The following ANKHD1 variants were observed in gnomAD, a reference collection of about 807,000 sequenced individuals.
ANKHD1 encodes ankyrin repeat and KH domain-containing protein 1.
In ANKHD1, 31 loss-of-function variants were observed where a neutral mutation model predicts 230.5. The ratio of observed to expected loss-of-function variants is 0.13; its 90% CI spans 0.10 to 0.18. ANKHD1 has a LOEUF of 0.18. Ranked by LOEUF, ANKHD1 falls within the 10% of genes least tolerant of loss-of-function variation. The pLI is 1.00. For missense variants in ANKHD1, 2,256 were observed against 3,071.3 expected (o/e 0.73, Z 6.27); for synonymous variants, 1,074 against 1,117.6 (o/e 0.96, Z 0.78).
intron 10 of ANKHD1, among the ~76,000 whole-genome samples, chr5:140,471,555 C>A (rs1776498545): frequency 6.6e-6 from 1 of 152,176 alleles, no homozygotes; most frequent in African/African-American, 2.4e-5. Flanking sequence ...TTAGGATAAG[C>A]ACATCACATA....
At position 140,528,801 on chromosome 5, in the gene ANKHD1, C is replaced by A; in HGVS notation, c.5855C>A (p.Thr1952Asn). 1.9e-6 allele frequency: 3 copies of A among 1,614,088 alleles called. No homozygotes were observed. Among genetic ancestry groups the A allele is most frequent in the Non-Finnish European group, 2.5e-6 (3 of 1,180,032 alleles). ...AGTCAGCAACTGTGTGTCACTAATACCCGGACTCCTTCATCAGTCAGAAAG... is the reference window on the plus strand; with the variant it reads ...AGTCAGCAACTGTGTGTCACTAATAACCGGACTCCTTCATCAGTCAGAAAG... ...AASQQLCVTN[T>N]RTPSSVRKQL... is the part of the protein sequence containing the mutation. Residue 1952 changes from threonine to asparagine, a missense_variant, in exon 29 of 34, where the codon ACC becomes AAC. By Grantham distance (65) the Thr-to-Asn change is moderately conservative (BLOSUM62 0). Coordinates refer to ENST00000360839, the MANE Select transcript of ANKHD1 (RefSeq NM_017747.3).
intron 10 of ANKHD1, among the ~76,000 whole-genome samples, chr5:140,477,142 A>G (rs558363376): frequency 1.3e-5 from 2 of 152,350 alleles, no homozygotes; most frequent in East Asian, 3.9e-4. Flanking sequence ...ATGTAAAGCA[A>G]TATTAATATC....
chr5:140,435,898 G>T (rs1265186651), intron 1 of ANKHD1, among the ~76,000 whole-genome samples: 1 of 152,138 alleles, frequency 6.6e-6, no homozygotes, highest in African/African-American at 2.4e-5. Context: ...GGAAACTTCA[G>T]TGTATGTGTG....
chr5:140,443,816 C>CT (rs1314075253), intron 5 of ANKHD1, among the ~76,000 whole-genome samples: 1 of 151,970 alleles, frequency 6.6e-6, no homozygotes, highest in African/African-American at 2.4e-5. Flanking sequence ...ATAACTCTAA[C>CT]TTTAAGCCAA....
rs920509489 is a variant in ANKHD1 at position 140,507,714 on chromosome 5, C to A, written c.3552-71C>A. The A allele has an allele frequency of 6.5e-7, 1 of 1,539,918 alleles. No individual in the cohort carries two copies. The highest frequency in any genetic ancestry group is 1.4e-5 in the African/African-American group (1 of 72,476). The stretch of plus-strand genomic sequence containing the variant: ...ACCTCTCTTTTTAGTGAAACCTTTT[C>A]ATCTTTAATGCTTTTCTAAAATAAT... On this transcript the variant is annotated intron_variant, in intron 19 of 33. Transcript: ENST00000360839. The surrounding 1 kb of genome is among the most constrained non-coding windows in gnomAD (Gnocchi z 4.1).
chr5:140,442,677 T>C (rs1773952886), intron 5 of ANKHD1, among the ~76,000 whole-genome samples: 1 of 152,298 alleles, frequency 6.6e-6, no homozygotes, highest in East Asian at 1.9e-4. Context: ...CTTAATTTTT[T>C]ATCTGATTAT....
chr5:140,535,369 A>G lies in ANKHD1; in HGVS notation c.6858A>G (p.Pro2286=). 3 of 1,596,836 alleles carry G rather than the reference A, an allele frequency of 1.9e-6. No individual in the cohort carries two copies. The highest frequency in any genetic ancestry group is 1.7e-6 in the Non-Finnish European group (2 of 1,174,290). Residue 2286 remains proline, a synonymous_variant, in exon 30 of 34, where the codon CCA becomes CCG. Coordinates refer to ENST00000360839, the MANE Select transcript of ANKHD1 (RefSeq NM_017747.3). ...GGACCTGTTTTATTTCAGGGTTACC[A>G]TCCATTGACCCATCAGGCAGCTCCC... is the stretch of plus-strand genomic sequence containing the variant. ...QRVSTSPVGL[P]SIDPSGSSPS... is the part of the protein sequence containing the mutation.
chr5:140,461,243 T>TAATA (rs990767840), intron 9 of ANKHD1, among the ~76,000 whole-genome samples: 3 of 152,214 alleles, frequency 2.0e-5, no homozygotes, highest in African/African-American at 7.2e-5. Context: ...GTAACCAAGC[T>TAATA]AATAGGGACA....
rs1292753293 is a variant in ANKHD1, at chr5:140,491,107, TACACAC to T, written c.2245+4055_2245+4060del. Among the ~76,000 whole-genome samples, 169 of 55,108 alleles carry T rather than the reference TACACAC, an allele frequency of 3.1e-3. 1 individual carries two copies. The highest frequency in any genetic ancestry group is 7.7e-3 in the African/African-American group (166 of 21,674). The allele number at this position is 55,108 out of a possible 152,430, so 36.2% of individuals were successfully genotyped here. On this transcript the variant is annotated intron_variant, in intron 14 of 33. Transcript: ENST00000360839. ...GTGTGTGTGTGTATATATATATATA[TACACAC>T]ACACACATATATATATATATATACA... is the stretch of plus-strand genomic sequence containing the variant.
chr5:140,406,586 G>A (rs1486537840), intron 1 of ANKHD1, among the ~76,000 whole-genome samples: 1 of 149,744 alleles, frequency 6.7e-6, no homozygotes. Context: ...TTGAGATGGA[G>A]TCTTGTCGCC....
Position 140,527,895 on chromosome 5 carries a change from G to C in ANKHD1, c.5110G>C (p.Ala1704Pro). 1 of 1,613,740 alleles carries C rather than the reference G, an allele frequency of 6.2e-7. No homozygotes were observed. The highest frequency in any genetic ancestry group is 8.5e-7 in the Non-Finnish European group (1 of 1,179,814). The change falls in exon 28 of 34, where the codon GCC becomes CCC. Residue 1704 changes from alanine (A) to proline (P), a missense_variant. Around this residue, in one of 13 missense-constraint regions of ANKHD1, gnomAD observed 212 missense variants for 257.3 expected, o/e 0.82. Coordinates refer to ENST00000360839, the MANE Select transcript of ANKHD1 (RefSeq NM_017747.3). The surrounding 1 kb of genome is among the most constrained non-coding windows in gnomAD (Gnocchi z 4.5). ...TAGGTCAAAGAAATTGTCTGTTCCA[G>C]CCTCAGTGGTGTCGAGGATAATGGG... ...VRRSKKLSVP[A>P]SVVSRIMGRG... is the part of the protein sequence containing the mutation.
At chr5:140,513,302 A>G in intron 23 of ANKHD1, 61 bp from the exon 24 acceptor site, 1 of 1,495,580 alleles carries the variant, frequency 6.7e-7, no homozygotes, top group South Asian at 1.3e-5. Context: ...TGTGCTCATC[A>G]GCTTAAGTTT....
rs1430673592 is a variant in ANKHD1, at chr5:140,507,192, T to G, written c.3551+215T>G. On this transcript the variant is annotated intron_variant, in intron 19 of 33. Transcript: ENST00000360839. This position sits in a 1 kb window ranked among gnomAD's most constrained non-coding sequence, Gnocchi z 4.1. The stretch of plus-strand genomic sequence containing the variant: ...AAGAGGTCTCATTTCAAAAAGTGTT[T>G]TGTTCTATGGCCTACCACCCTAAAC... 6.6e-6 allele frequency among the ~76,000 whole-genome samples: 1 copy of G among 152,232 alleles called. No individual in the cohort carries two copies. Among genetic ancestry groups the G allele is most frequent in the Non-Finnish European group, 1.5e-5 (1 of 68,040 alleles).
chr5:140,436,208 T>C lies in ANKHD1; in HGVS notation c.411T>C (p.Thr137=), dbSNP rs560947548. The C allele has an allele frequency of 2.5e-6, 4 of 1,604,124 alleles. No homozygotes were observed. In the South Asian group the frequency reaches 3.4e-5, roughly 14 times the overall value. ...SSTAEGADLR[T]VDPETQARLE... is the part of the protein sequence containing the mutation. ...CTGCAGAAGGAGCAGACTTACGCACTGTGGATCCAGAGACACAGGCACGAC... is the reference window on the plus strand; with the variant it reads ...CTGCAGAAGGAGCAGACTTACGCACCGTGGATCCAGAGACACAGGCACGAC... Residue 137 remains threonine (T), a synonymous_variant, in exon 2 of 34, where the codon ACT becomes ACC. Coordinates refer to ENST00000360839, the MANE Select transcript of ANKHD1 (RefSeq NM_017747.3).
At chr5:140,448,064 C>G (rs1774429252) in intron 6 of ANKHD1, among the ~76,000 whole-genome samples, 1 of 152,158 alleles carries the variant, frequency 6.6e-6, no homozygotes, top group South Asian at 2.1e-4. Context: ...AGGAGGATCT[C>G]TTGAGGCCTA....
At position 140,485,812 on chromosome 5, in the gene ANKHD1, G is replaced by A. The variant is rs1751476511; in HGVS notation, c.2142+80G>A. The stretch of plus-strand genomic sequence containing the variant: ...AGTTTTTGTTTAAAATCAGTTTTAA[G>A]CAAAATGGACTTGTTTTTATTCTCT... On this transcript the variant is annotated intron_variant, in intron 13 of 33. Coordinates refer to ENST00000360839, the MANE Select transcript of ANKHD1 (RefSeq NM_017747.3). The surrounding 1 kb of genome is among the most constrained non-coding windows in gnomAD (Gnocchi z 4.8). The A allele has an allele frequency of 6.4e-7, 1 of 1,562,072 alleles. No individual in the cohort carries two copies. The highest frequency in any genetic ancestry group is 8.6e-7 in the Non-Finnish European group (1 of 1,156,962).
intron 7 of ANKHD1, 88 bp downstream of exon 7, chr5:140,449,393 G>T: frequency 7.0e-7 from 1 of 1,429,022 alleles, no homozygotes; most frequent in South Asian, 1.3e-5. Flanking sequence ...TTGCCAGTGC[G>T]GTGGCTCACG....
intron 22 of ANKHD1, among the ~76,000 whole-genome samples, chr5:140,512,429 A>G (rs1161391516): frequency 6.6e-6 from 1 of 152,060 alleles, no homozygotes; most frequent in African/African-American, 2.4e-5. Context: ...TTATTTTAGG[A>G]CTCATTTCCC....
At chr5:140,435,444 C>G (rs1352875272) in intron 1 of ANKHD1, among the ~76,000 whole-genome samples, 9 of 150,586 alleles carry the variant, frequency 6.0e-5, no homozygotes, top group African/African-American at 2.2e-4. Flanking sequence ...ATGGCACGAT[C>G]TCGGCTCACA....
Sources: allele counts gnomAD v4.1 joint callset (sites outside exome capture counted in the v4.1 genomes callset), GRCh38; gene constraint gnomAD v4.1.1; regional missense constraint gnomAD v4.1.1; non-coding constraint Gnocchi (gnomAD v3.1); transcripts MANE v1.5; gene names NCBI Gene and HGNC (gene_info 2026-07-23, HGNC 2026-07-21).